HIBCH: variants seen among roughly 807,000 people sequenced by gnomAD.
HIBCH encodes the protein 3-hydroxyisobutyryl-CoA hydrolase, mitochondrial.
HIBCH carries 50 observed loss-of-function variants against 58.2 expected under a neutral mutation model. The ratio of observed to expected loss-of-function variants is 0.86; its 90% confidence interval spans 0.68 to 1.09. The LOEUF (loss-of-function observed/expected upper bound fraction) is 1.09. Ranked by LOEUF, HIBCH falls within the 50% of genes least tolerant of loss-of-function variation. The pLI is 0.00. For synonymous variants in HIBCH, 151 were observed against 146.9 expected (o/e 1.03, Z -0.20); for missense variants, 450 against 449.7 (o/e 1.00, Z -0.01).
downstream of HIBCH, chr2:190,199,661 T>C (rs559494977): frequency 8.9e-6 from 12 of 1,350,110 alleles, no homozygotes; most frequent in Admixed American, 2.1e-4. Flanking sequence ...TTTTGCATTC[T>C]GTAACTTCAA....
chr2:190,311,330 A>G (rs2124863387), intron 1 of HIBCH, among the ~76,000 whole-genome samples: 1 of 152,318 alleles, frequency 6.6e-6, no homozygotes, highest in East Asian at 1.9e-4. Context: ...AGGGCAGTGA[A>G]ACTAATCTGT....
chr2:190,302,362 C>T (rs1174875366), intron 2 of HIBCH, among the ~76,000 whole-genome samples: 1 of 152,180 alleles, frequency 6.6e-6, no homozygotes, highest in African/African-American at 2.4e-5. Flanking sequence ...ACATGCATGC[C>T]ATGTTAACTC....
chr2:190,293,647 T>C (rs1688015825), intron 4 of HIBCH, among the ~76,000 whole-genome samples: 1 of 152,086 alleles, frequency 6.6e-6, no homozygotes, highest in Non-Finnish European at 1.5e-5. Flanking sequence ...CCTAAGGTAA[T>C]GGTTTACGTA....
chr2:190,297,034 G>A, intron 2 of HIBCH, 81 bp from the exon 3 acceptor site: 2 of 1,268,426 alleles, frequency 1.6e-6, no homozygotes, highest in Non-Finnish European at 2.3e-6. Flanking sequence ...CATATCAAAT[G>A]CAAATCTTGC....
At position 190,214,647 on chromosome 2, in the gene HIBCH, G is replaced by A. The variant is rs1191442323; in HGVS notation, c.892-1572C>T. Reference sequence around the variant, plus strand: ...GAATGATAAAACCCATACTCACAGAGGATGTGGGTTATGTTCTTTGTTGGA... The same window carrying A: ...GAATGATAAAACCCATACTCACAGAAGATGTGGGTTATGTTCTTTGTTGGA... On this transcript the variant is annotated intron_variant, in intron 11 of 13. Transcript: ENST00000359678. The surrounding 1 kb of genome is among the most constrained non-coding windows in gnomAD (Gnocchi z 5.5). 3 of 152,200 alleles carry A rather than the reference G, an allele frequency of 2.0e-5. No individual in the cohort carries two copies. Among genetic ancestry groups the A allele is most frequent in the Non-Finnish European group, 4.4e-5 (3 of 68,072 alleles). The allele number at this position is 152,200 out of a possible 1,614,324, so 9.4% of individuals were successfully genotyped here. A position where few individuals can be genotyped will look rare whatever the true frequency, so the allele number is the denominator to read the frequency against.
chr2:190,253,257 G>A (rs1011626856), intron 7 of HIBCH, among the ~76,000 whole-genome samples: 2 of 151,984 alleles, frequency 1.3e-5, no homozygotes, highest in Admixed American at 1.3e-4. Context: ...ACTCCTTTGG[G>A]TGTTTAAGAT....
At chr2:190,201,219 C>A (rs2105891376), downstream of HIBCH, 1 of 167,054 alleles carries the variant, frequency 6.0e-6, no homozygotes, top group South Asian at 2.1e-4. Flanking sequence ...GCCTGGCTAC[C>A]TTTTAGGGAA....
At chr2:190,282,910 T>C (rs1380766514) in intron 6 of HIBCH, among the ~76,000 whole-genome samples, 1 of 148,232 alleles carries the variant, frequency 6.7e-6, no homozygotes, top group Non-Finnish European at 1.5e-5. Context: ...GTTGGAAAGA[T>C]GAGATATAAA....
chr2:190,261,071 A>G lies in HIBCH; in HGVS notation c.517+85T>C, dbSNP rs291416. On this transcript the variant is annotated intron_variant, in intron 7 of 13. Transcript: ENST00000359678. ...GTTGCATCTCACACAAGAGTCCATC[A>G]ATTCCTTCAACAACAGTAAACTCTG... 0.03 allele frequency: 28,919 copies of G among 973,518 alleles called. 864 individuals are homozygous for G. The highest frequency in any genetic ancestry group is 0.14 in the East Asian group (5,827 of 41,604). 60.3% of individuals were successfully genotyped at this position (973,518 alleles called of 1,614,324 possible). A position where few individuals can be genotyped will look rare whatever the true frequency, so the allele number is the denominator to read the frequency against.
chr2:190,199,770 T>A, downstream of HIBCH: 1 of 1,547,236 alleles, frequency 6.5e-7, no homozygotes, highest in Non-Finnish European at 8.7e-7. Flanking sequence ...AAAGCACTGG[T>A]CAACATCACA....
chr2:190,238,636 T>G (rs1333242311), intron 11 of HIBCH, among the ~76,000 whole-genome samples: 2 of 152,174 alleles, frequency 1.3e-5, no homozygotes, highest in Non-Finnish European at 2.9e-5. Flanking sequence ...GGCTAATTCT[T>G]GTACTTTTAG....
At chr2:190,296,422 CAA>C (rs367597129) in intron 3 of HIBCH, among the ~76,000 whole-genome samples, 6 of 134,854 alleles carry the variant, frequency 4.4e-5, no homozygotes, top group Non-Finnish European at 4.7e-5. Flanking sequence ...TCCTCCGTCT[CAA>C]AAAAAAAAAA....
chr2:190,251,587 AG>A (rs199700627), intron 8 of HIBCH: 5 of 438,558 alleles, frequency 1.1e-5, no homozygotes, highest in East Asian at 1.7e-4. Context: ...GGGGCAAAAG[AG>A]GCTAAGTTCC....
chr2:190,251,142 TTAA>T lies in HIBCH; in HGVS notation c.663+1017_663+1019del, dbSNP rs746922924. Among the ~76,000 whole-genome samples the T allele has an allele frequency of 5.3e-5, 8 of 152,322 alleles. No homozygotes were observed. The East Asian group carries it at 1.2e-3, about 22-fold the overall frequency. ...AAAATATAAAACTGCATTAAAATTA[TTAA>T]TAATAGTTAAATTTTGAGTGTTTAC... On this transcript the variant is annotated intron_variant, in intron 8 of 13. Transcript: ENST00000359678.
intron 2 of HIBCH, among the ~76,000 whole-genome samples, chr2:190,309,420 T>C (rs1321145125): frequency 6.6e-6 from 1 of 152,216 alleles, no homozygotes; most frequent in Non-Finnish European, 1.5e-5. Flanking sequence ...TGTCAGCCTC[T>C]ATAAGAGATA....
chr2:190,232,267 C>A (rs1686123238), intron 11 of HIBCH, among the ~76,000 whole-genome samples: 1 of 152,154 alleles, frequency 6.6e-6, no homozygotes, highest in Non-Finnish European at 1.5e-5. Flanking sequence ...AAAATGACAC[C>A]ATTTAAACAT....
At chr2:190,221,547 G>A (rs546113560) in intron 11 of HIBCH, among the ~76,000 whole-genome samples, 3 of 152,334 alleles carry the variant, frequency 2.0e-5, no homozygotes, top group Admixed American at 2.0e-4. Context: ...AGGGACAGGA[G>A]GCACAGAAAT....
chr2:190,195,345 C>G (rs1689918338), intron 1 of HIBCH, among the ~76,000 whole-genome samples: 1 of 152,180 alleles, frequency 6.6e-6, no homozygotes, highest in Admixed American at 6.5e-5. Context: ...TACCAAGAAG[C>G]AGAACTGCTG....
intron 8 of HIBCH, 67 bp downstream of exon 8, chr2:190,252,095 T>C: frequency 6.8e-7 from 1 of 1,477,038 alleles, no homozygotes; most frequent in African/African-American, 1.4e-5. Context: ...CCACCCATTG[T>C]ACCTTCCCAT....
Sources: allele counts gnomAD v4.1 joint callset (sites outside exome capture counted in the v4.1 genomes callset), GRCh38; gene constraint gnomAD v4.1.1; non-coding constraint Gnocchi (gnomAD v3.1); transcripts MANE v1.5; gene names NCBI Gene and HGNC (gene_info 2026-07-23, HGNC 2026-07-21).